HAUS6: variants seen among roughly 807,000 people sequenced by gnomAD.
HAUS6 encodes the protein HAUS augmin like complex subunit 6.
Under a neutral mutation model 106.8 loss-of-function variants are expected in HAUS6, and 80 were observed. That is an observed-to-expected ratio of 0.75 (90% CI 0.63 to 0.90). HAUS6 has a LOEUF of 0.90. Ranked by LOEUF, HAUS6 falls within the 40% of genes least tolerant of loss-of-function variation. The pLI, the probability that HAUS6 is intolerant of heterozygous loss-of-function variation, is 0.00. For synonymous variants in HAUS6, 356 were observed against 379.1 expected, an observed-to-expected ratio of 0.94 and a Z score of 0.71; for missense variants, 1,155 against 1,118.1, an observed-to-expected ratio of 1.03 and a Z score of -0.47.
At chr9:19,076,102 G>A (rs111399174) in intron 11 of HAUS6, among the ~76,000 whole-genome samples, 19,552 of 149,434 alleles carry the variant, frequency 0.13, 1,325 homozygotes, top group Admixed American at 0.17. Flanking sequence ...GCTCATGCCT[G>A]TAATCCCAGC....
chr9:19,056,523 A>G (rs1298029627), intron 16 of HAUS6, 119 bp from the exon 17 acceptor site: 1 of 627,178 alleles, frequency 1.6e-6, no homozygotes, highest in Non-Finnish European at 2.9e-6. Flanking sequence ...CAAATACTTG[A>G]TTATGATAAA....
chr9:19,086,093 CCT>C, intron 7 of HAUS6, among the ~76,000 whole-genome samples: 1 of 146,668 alleles, frequency 6.8e-6, no homozygotes, highest in Non-Finnish European at 1.5e-5. Context: ...GGGCAGATCA[CCT>C]GAGGTCAGGA....
intron 12 of HAUS6, among the ~76,000 whole-genome samples, chr9:19,068,595 T>C (rs1206773396): frequency 6.6e-6 from 1 of 152,162 alleles, no homozygotes; most frequent in Non-Finnish European, 1.5e-5. Context: ...GAATGATGAG[T>C]GCTTCATTTA....
intron 14 of HAUS6, among the ~76,000 whole-genome samples, chr9:19,060,836 C>T (rs1346602054): frequency 6.6e-6 from 1 of 152,178 alleles, no homozygotes; most frequent in African/African-American, 2.4e-5. Context: ...CCCGACATCA[C>T]TAAAAAATAA....
chr9:19,081,913 C>G (rs1053767471), intron 8 of HAUS6, among the ~76,000 whole-genome samples: 17 of 152,058 alleles, frequency 1.1e-4, no homozygotes, highest in African/African-American at 3.6e-4. Flanking sequence ...AAAGAAGTGT[C>G]TCTCTTCAGA....
rs1399598949 is a variant in HAUS6 at position 19,096,773 on chromosome 9, G to C, written c.129-4C>G. On this transcript the variant is annotated splice_polypyrimidine_tract_variant and splice_region_variant and intron_variant, in intron 1 of 16. Coordinates refer to ENST00000380502, the MANE Select transcript of HAUS6 (RefSeq NM_017645.5). ...GTTCAGCTTGTCAAACATGTTCCTA[G>C]TGGTTAAAAATGAAATAGAAATAGA... 7.1e-7 allele frequency: 1 copy of C among 1,413,204 alleles called. No homozygotes were observed. Among genetic ancestry groups the C allele is most frequent in the South Asian group, 1.3e-5 (1 of 76,998 alleles). The allele number at this position is 1,413,204 out of a possible 1,614,324, so 87.5% of individuals were successfully genotyped here. A position where few individuals can be genotyped will look rare whatever the true frequency, so the allele number is the denominator to read the frequency against.
chr9:19,078,277 T>C lies in HAUS6; in HGVS notation c.1090A>G (p.Thr364Ala). Reference sequence around the variant, plus strand: ...TTTTCAACAACAGAATGTCTTATAGTTGTGAGATCATCTTTTATTCTATAC... The same window carrying C: ...TTTTCAACAACAGAATGTCTTATAGCTGTGAGATCATCTTTTATTCTATAC... ...MRYRIKDDLT[T>A]IRHSVVEKQG... is the part of the protein sequence containing the mutation. The change falls in exon 10 of 17, where the codon ACT becomes GCT. Residue 364 changes from threonine (T) to alanine (A), a missense_variant. By Grantham distance (58) the Thr-to-Ala change is moderately conservative. Around this residue, in one of 3 missense-constraint regions of HAUS6, gnomAD observed 761 missense variants for 690.0 expected, o/e 1.10. Coordinates refer to ENST00000380502, the MANE Select transcript of HAUS6 (RefSeq NM_017645.5). The C allele has an allele frequency of 1.3e-6, 2 of 1,508,896 alleles. No homozygotes were observed. The highest frequency in any genetic ancestry group is 2.3e-5 in the South Asian group (2 of 88,390). 93.5% of individuals were successfully genotyped at this position (1,508,896 alleles called of 1,614,324 possible).
rs529319617 is a variant in HAUS6, at chr9:19,056,397, G to T, written c.2814C>A (p.Asp938Glu). Reference protein sequence around the residue: ...LGELPNLKEEDILNKSLDAKE... With the variant: ...LGELPNLKEEEILNKSLDAKE... ...TTGCATCAAGGCTCTTATTCAAAAT[G>T]TCTTCTTCTGCAAATTGATTTTAAA... is the stretch of plus-strand genomic sequence containing the variant. Residue 938 changes from aspartate to glutamate, a missense_variant, in exon 17 of 17, where the codon GAC becomes GAA. Asp to Glu is a conservative substitution (Grantham distance 45, BLOSUM62 2). Transcript: ENST00000380502. The T allele has an allele frequency of 1.6e-5, 24 of 1,542,884 alleles. No individual in the cohort carries two copies. The Admixed American group carries it at 3.9e-4, about 25-fold the overall frequency.
intron 5 of HAUS6, among the ~76,000 whole-genome samples, chr9:19,088,445 G>A (rs1371412123): frequency 6.6e-6 from 1 of 151,522 alleles, no homozygotes; most frequent in Non-Finnish European, 1.5e-5. Context: ...AATACACTAT[G>A]GCAATATGCA....
intron 5 of HAUS6, among the ~76,000 whole-genome samples, chr9:19,088,192 A>T (rs540919086): frequency 6.6e-6 from 1 of 152,310 alleles, no homozygotes; most frequent in South Asian, 2.1e-4. Context: ...AGGCGGGTGG[A>T]TCACCTGAGG....
chr9:19,060,142 C>A lies in HAUS6; in HGVS notation c.1711G>T (p.Gly571Cys), dbSNP rs376326123. 26 of 1,604,280 alleles carry A rather than the reference C, an allele frequency of 1.6e-5. No individual in the cohort carries two copies. The Admixed American group carries it at 4.4e-4, about 27-fold the overall frequency. ...TTCCTTGTTAAGAAGGGGTTAGAACCCAGAGAGTCAATTAGTTCCTCTAAT... is the reference window on the plus strand; with the variant it reads ...TTCCTTGTTAAGAAGGGGTTAGAACACAGAGAGTCAATTAGTTCCTCTAAT... ...IKLEELIDSLGSNPFLTRNQI... is the reference protein window; with the variant it reads ...IKLEELIDSLCSNPFLTRNQI... Residue 571 changes from glycine to cysteine, a missense_variant, in exon 15 of 17, where the codon GGT becomes TGT. Transcript: ENST00000380502.
At position 19,058,796 on chromosome 9, in the gene HAUS6, T is replaced by C. The variant is rs1312953386; in HGVS notation, c.1971A>G (p.Lys657=). 6.2e-7 allele frequency: 1 copy of C among 1,614,104 alleles called. No homozygotes were observed. The highest frequency in any genetic ancestry group is 8.5e-7 in the Non-Finnish European group (1 of 1,180,040). Residue 657 remains lysine (K), a synonymous_variant, in exon 16 of 17, where the codon AAA becomes AAG. Transcript: ENST00000380502. The part of the protein sequence containing the change: ...DFGQSHLTEE[K]VISDCECVPQ... ...GCACACACTCGCAATCTGAAATAAC[T>C]TTCTCTTCAGTCAAATGAGACTGGC...
At chr9:19,088,211 T>TC (rs1370277433) in intron 5 of HAUS6, among the ~76,000 whole-genome samples, 3 of 151,968 alleles carry the variant, frequency 2.0e-5, no homozygotes, top group Non-Finnish European at 4.4e-5. Context: ...GGTCAGGAGT[T>TC]CGAGACCAGC....
At chr9:19,074,047 G>C (rs1269102866) in intron 11 of HAUS6, 2 of 152,160 alleles carry the variant, frequency 1.3e-5, no homozygotes, top group Non-Finnish European at 2.9e-5. Context: ...AGGAGTTTGA[G>C]ACCAGCCTGG....
Position 19,058,657 on chromosome 9 carries a change from T to G in HAUS6, c.2110A>C (p.Lys704Gln). The change falls in exon 16 of 17, where the codon AAG (lysine) becomes CAG (glutamine). Residue 704 changes from lysine (K) to glutamine (Q), a missense_variant. Physicochemically the swap from Lys to Gln is moderately conservative, Grantham distance 53. Coordinates refer to ENST00000380502, the MANE Select transcript of HAUS6 (RefSeq NM_017645.5). ...KQDLECLAFT[K>Q]LSETSRMETF... Reference sequence around the variant, plus strand: ...TCCATTCGGCTAGTTTCTGAAAGCTTGGTGAAGGCTAAACATTCCAAATCT... The same window carrying G: ...TCCATTCGGCTAGTTTCTGAAAGCTGGGTGAAGGCTAAACATTCCAAATCT... 6.2e-7 allele frequency: 1 copy of G among 1,608,508 alleles called. No homozygotes were observed. Among genetic ancestry groups the G allele is most frequent in the Non-Finnish European group, 8.5e-7 (1 of 1,175,178 alleles).
rs1818010288 is a variant in HAUS6, at chr9:19,102,458, A to G, written c.128+66T>C. On this transcript the variant is annotated intron_variant, in intron 1 of 16. Transcript: ENST00000380502. Reference sequence around the variant, plus strand: ...GATTAATCAACCTCCGGGGTCTACAAAAGGGGGAGTCCCCCGGCGTCCCCC... The same window carrying G: ...GATTAATCAACCTCCGGGGTCTACAGAAGGGGGAGTCCCCCGGCGTCCCCC... The G allele has an allele frequency of 4.5e-6, 7 of 1,549,078 alleles. No individual in the cohort carries two copies. In the South Asian group the frequency reaches 6.9e-5, roughly 15 times the overall value.
At position 19,084,635 on chromosome 9, in the gene HAUS6, C is replaced by CT. The variant is rs113235811; in HGVS notation, c.700-1593dup. ...AATTAGTTCACTTTTTTTCTTTTTTCTTTTTTTTTTTTTTTGAAACAAGGT... is the reference window on the plus strand; with the variant it reads ...AATTAGTTCACTTTTTTTCTTTTTTCTTTTTTTTTTTTTTTTGAAACAAGGT... On this transcript the variant is annotated intron_variant, in intron 7 of 16. Coordinates refer to ENST00000380502, the MANE Select transcript of HAUS6 (RefSeq NM_017645.5). Among the ~76,000 whole-genome samples the CT allele has an allele frequency of 2.1e-3, 297 of 138,806 alleles. 1 individual carries two copies. The highest frequency in any genetic ancestry group is 6.8e-3 in the East Asian group (33 of 4,856). The allele number at this position is 138,806 out of a possible 152,430, so 91.1% of individuals were successfully genotyped here.
intron 11 of HAUS6, 96 bp downstream of exon 11, chr9:19,076,506 G>C (rs1008540276): frequency 1.4e-6 from 1 of 705,752 alleles, no homozygotes; most frequent in African/African-American, 1.8e-5. Context: ...AAAAAAAATG[G>C]AGGAAAAAGA....
rs2131149629 is a variant in HAUS6, at chr9:19,091,904, T to A, written c.436+1267A>T. Among the ~76,000 whole-genome samples, 2 of 152,152 alleles carry A rather than the reference T, an allele frequency of 1.3e-5. 1 individual carries two copies. The highest frequency in any genetic ancestry group is 4.2e-4 in the South Asian group (2 of 4,802). ...GTCGAACTCCTGACCTCAAGTGATC[T>A]GCCTACCTCAGCCTCCCAAAGTCCT... On this transcript the variant is annotated intron_variant, in intron 4 of 16. Coordinates refer to ENST00000380502, the MANE Select transcript of HAUS6 (RefSeq NM_017645.5).
Sources: gnomAD v4.1 joint callset for allele counts (sites outside exome capture counted in the v4.1 genomes callset) on GRCh38, gnomAD v4.1.1 for gene constraint, gnomAD v4.1.1 regional missense constraint, MANE v1.5 for transcripts, NCBI Gene and HGNC (gene_info 2026-07-23, HGNC 2026-07-21) for gene names.